CCDC85C: variants seen among roughly 807,000 people sequenced by gnomAD.
CCDC85C encodes coiled-coil domain-containing protein 85C.
In CCDC85C, 18 loss-of-function variants were observed where a neutral mutation model predicts 38.3. That is an observed-to-expected ratio of 0.47 (90% CI 0.33 to 0.70). The LOEUF is 0.70. Among genes scored for constraint, CCDC85C ranks in the 30% least tolerant of loss-of-function variants. The pLI is 0.03. For missense variants in CCDC85C, 566 were observed against 621.2 expected (o/e 0.91, Z 0.94); for synonymous variants, 264 against 293.8 (o/e 0.90, Z 1.04).
In CCDC85C at chr14:99,505,856, C is replaced by T. The variant is rs2139878444; in HGVS notation, c.*9390G>A. ...TGGGTGACAGAGCGAGACCCTGTCT[C>T]AAAAAATAAAATGGCTCCTGGAAAG... is the stretch of plus-strand genomic sequence containing the variant. On this transcript the variant is annotated 3_prime_UTR_variant, in exon 6 of 6. Transcript: ENST00000380243. 1 of 152,348 alleles carries T rather than the reference C, an allele frequency of 6.6e-6. No individual in the cohort carries two copies. The highest frequency in any genetic ancestry group is 1.9e-4 in the East Asian group (1 of 5,188). The allele number at this position is 152,348 out of a possible 1,614,324, so 9.4% of individuals were successfully genotyped here.
At chr14:99,575,869 C>CA (rs1179182980) in intron 1 of CCDC85C, among the ~76,000 whole-genome samples, 12 of 152,344 alleles carry the variant, frequency 7.9e-5, no homozygotes, top group African/African-American at 2.9e-4. Context: ...CTAACCCCCA[C>CA]AGACCGCCTG....
intron 1 of CCDC85C, among the ~76,000 whole-genome samples, chr14:99,590,746 G>A (rs1219290464): frequency 6.6e-6 from 1 of 152,208 alleles, no homozygotes; most frequent in Non-Finnish European, 1.5e-5. Context: ...CTGGGCTGGG[G>A]TCAGTCTGAC....
rs796475719 is a variant in CCDC85C at position 99,579,273 on chromosome 14, C to T, written c.793+23894G>A. Among the ~76,000 whole-genome samples, 62 of 152,350 alleles carry T rather than the reference C, an allele frequency of 4.1e-4. 1 individual carries two copies. The highest frequency in any genetic ancestry group is 3.4e-3 in the Middle Eastern group (1 of 294). On this transcript the variant is annotated intron_variant, in intron 1 of 5. Coordinates refer to ENST00000380243, the MANE Select transcript of CCDC85C (RefSeq NM_001144995.2). The stretch of plus-strand genomic sequence containing the variant: ...GGTGCCAAACAAGCCAGAGAAGTGG[C>T]GGGGCTGCCCCAACAGGCACCGTCC...
At chr14:99,559,284 A>C (rs1898070515) in intron 1 of CCDC85C, among the ~76,000 whole-genome samples, 1 of 152,010 alleles carries the variant, frequency 6.6e-6, no homozygotes, top group Non-Finnish European at 1.5e-5. Flanking sequence ...GCCTCCAAAA[A>C]TGTGAGAGAA....
chr14:99,517,164 G>C lies in CCDC85C; in HGVS notation c.995C>G (p.Pro332Arg), dbSNP rs987239593. Reference protein sequence around the residue: ...SLQNGPACPAPELPSPPSAGY... With the variant: ...SLQNGPACPARELPSPPSAGY... Reference sequence around the variant, plus strand: ...AGCAGAGGGGGGCGAGGGCAGCTCAGGTGCGGGGCAGGCCGGGCCCTGGGG... The same window carrying C: ...AGCAGAGGGGGGCGAGGGCAGCTCACGTGCGGGGCAGGCCGGGCCCTGGGG... The change falls in exon 4 of 6, where the codon CCT (proline) becomes CGT (arginine). Residue 332 changes from proline (P) to arginine (R), a missense_variant. By Grantham distance (103) the Pro-to-Arg change is moderately radical (BLOSUM62 -2). Coordinates refer to ENST00000380243, the MANE Select transcript of CCDC85C (RefSeq NM_001144995.2). 11 of 1,548,710 alleles carry C rather than the reference G, an allele frequency of 7.1e-6. No individual in the cohort carries two copies. The highest frequency in any genetic ancestry group is 7.0e-6 in the Non-Finnish European group (8 of 1,146,084).
Position 99,516,082 on chromosome 14 carries a change from G to A in CCDC85C, c.1170+106C>T. 2.2e-6 allele frequency: 2 copies of A among 895,562 alleles called. No individual in the cohort carries two copies. Among genetic ancestry groups the A allele is most frequent in the Non-Finnish European group, 1.8e-6 (1 of 563,742 alleles). The allele number at this position is 895,562 out of a possible 1,614,324, so 55.5% of individuals were successfully genotyped here. On this transcript the variant is annotated intron_variant, in intron 5 of 5. Coordinates refer to ENST00000380243, the MANE Select transcript of CCDC85C (RefSeq NM_001144995.2). This position sits in a 1 kb window ranked among gnomAD's most constrained non-coding sequence, Gnocchi z 5.5. ...TCCAAGGTCACCCAGCCTTCGCTGA[G>A]CATTCGAGAAATGGAGTCCCACATG...
chr14:99,531,954 G>C (rs975021943), intron 2 of CCDC85C, among the ~76,000 whole-genome samples: 1 of 152,148 alleles, frequency 6.6e-6, no homozygotes, highest in Admixed American at 6.5e-5. Context: ...TGGTTAAGTG[G>C]GCCTTCCTTA....
chr14:99,517,300 A>C, intron 3 of CCDC85C, 117 bp from the exon 4 acceptor site: 3 of 793,262 alleles, frequency 3.8e-6, no homozygotes, highest in Non-Finnish European at 5.9e-6. Context: ...GGAAAAGGGG[A>C]CCGGGGTGAG....
chr14:99,595,767 AG>A (rs2055136435), intron 1 of CCDC85C, among the ~76,000 whole-genome samples: 2 of 152,180 alleles, frequency 1.3e-5, no homozygotes, highest in African/African-American at 4.8e-5. Context: ...GACCTGGCCC[AG>A]CCCCACCCTG....
chr14:99,551,392 C>A (rs12897741), intron 1 of CCDC85C, among the ~76,000 whole-genome samples: 87,703 of 151,780 alleles, frequency 0.58, 26,001 homozygotes, highest in African/African-American at 0.72. Context: ...CAGGTGAATG[C>A]GTGAGCAAGT....
chr14:99,587,780 C>A lies in CCDC85C; in HGVS notation c.793+15387G>T, dbSNP rs79242270. Among the ~76,000 whole-genome samples, 121 of 152,272 alleles carry A rather than the reference C, an allele frequency of 7.9e-4. 3 individuals are homozygous for A. In the East Asian group the frequency reaches 0.022, roughly 28 times the overall value. On this transcript the variant is annotated intron_variant, in intron 1 of 5. Transcript: ENST00000380243. ...AGGACCCCTGTGCCCCCTTACTGCA[C>A]GGGGGCTGACTCTACCTCTCCCGCA... is the stretch of plus-strand genomic sequence containing the variant.
Position 99,510,542 on chromosome 14 carries a change from C to T in CCDC85C, c.*4704G>A, listed in dbSNP as rs1175142398. On this transcript the variant is annotated 3_prime_UTR_variant, in exon 6 of 6. Transcript: ENST00000380243. Reference sequence around the variant, plus strand: ...CCTTCCCCCCACCTGCCATCCCACCCCCTACTCCTGGCTACCCCCCACCCC... The same window carrying T: ...CCTTCCCCCCACCTGCCATCCCACCTCCTACTCCTGGCTACCCCCCACCCC... 4 of 447,834 alleles carry T rather than the reference C, an allele frequency of 8.9e-6. No homozygotes were observed. The Admixed American group carries it at 9.1e-5, about 10-fold the overall frequency. The allele number at this position is 447,834 out of a possible 1,614,324, so 27.7% of individuals were successfully genotyped here. A position where few individuals can be genotyped will look rare whatever the true frequency, so the allele number is the denominator to read the frequency against.
chr14:99,586,547 G>A (rs1043670106), intron 1 of CCDC85C, among the ~76,000 whole-genome samples: 6 of 152,216 alleles, frequency 3.9e-5, no homozygotes, highest in Middle Eastern at 3.2e-3. Flanking sequence ...ACATGCCATG[G>A]GCTTGGGGGC....
Position 99,502,252 on chromosome 14 carries a change from A to G in CCDC85C, c.*12994T>C, listed in dbSNP as rs749328034. 6.2e-6 allele frequency: 10 copies of G among 1,605,782 alleles called. No individual in the cohort carries two copies. The highest frequency in any genetic ancestry group is 8.5e-6 in the Non-Finnish European group (10 of 1,175,944). ...TGCAGTGGGAACCAGAGATCATAGC[A>G]GTAGCAGTGATGTATCTCGCAGGAC... On this transcript the variant is annotated 3_prime_UTR_variant, in exon 6 of 6. Transcript: ENST00000380243.
chr14:99,518,648 T>A (rs1897261572), intron 3 of CCDC85C, among the ~76,000 whole-genome samples: 1 of 152,128 alleles, frequency 6.6e-6, no homozygotes, highest in Admixed American at 6.5e-5. Context: ...CACCTACACC[T>A]TCCTGCACCT....
intron 2 of CCDC85C, among the ~76,000 whole-genome samples, chr14:99,527,103 C>T (rs1289707112): frequency 2.0e-5 from 3 of 152,226 alleles, no homozygotes; most frequent in Admixed American, 6.5e-5. Context: ...CTTGACCCCA[C>T]GGGAACTGCA....
Position 99,502,518 on chromosome 14 carries a change from A to C in CCDC85C, c.*12728T>G. ...AGAAGCATCATTAATTAAATTATCT[A>C]ATAGTTTCCACTTTGTCCAAACACA... is the stretch of plus-strand genomic sequence containing the variant. On this transcript the variant is annotated 3_prime_UTR_variant, in exon 6 of 6. Transcript: ENST00000380243. 2.9e-6 allele frequency: 4 copies of C among 1,359,780 alleles called. No homozygotes were observed. Among genetic ancestry groups the C allele is most frequent in the Non-Finnish European group, 3.9e-6 (4 of 1,014,100 alleles). The allele number at this position is 1,359,780 out of a possible 1,614,324, so 84.2% of individuals were successfully genotyped here. A position where few individuals can be genotyped will look rare whatever the true frequency, so the allele number is the denominator to read the frequency against.
intron 3 of CCDC85C, among the ~76,000 whole-genome samples, chr14:99,521,700 C>G (rs1162452604): frequency 6.6e-6 from 1 of 152,192 alleles, no homozygotes; most frequent in Non-Finnish European, 1.5e-5. Context: ...GAGCTGGCTC[C>G]AAGCCGCCCA....
chr14:99,554,473 A>G (rs1897973667), intron 1 of CCDC85C, among the ~76,000 whole-genome samples: 1 of 152,222 alleles, frequency 6.6e-6, no homozygotes, highest in Non-Finnish European at 1.5e-5. Context: ...CGTGATCTGC[A>G]GCCCCAGCTG....
Sources: allele counts gnomAD v4.1 joint callset (sites outside exome capture counted in the v4.1 genomes callset), GRCh38; gene constraint gnomAD v4.1.1; non-coding constraint Gnocchi (gnomAD v3.1); transcripts MANE v1.5; gene names NCBI Gene and HGNC (gene_info 2026-07-23, HGNC 2026-07-21).